Variants in CSMD3 observed in about 807,000 individuals in gnomAD.
CSMD3 encodes CUB and sushi domain-containing protein 3.
A neutral mutation model predicts 435.2 loss-of-function variants in CSMD3; 177 were observed. That is an observed-to-expected ratio of 0.41 (90% CI 0.36 to 0.46). The LOEUF is 0.46. Ranked by LOEUF, CSMD3 falls within the 20% of genes least tolerant of loss-of-function variation. The pLI, the probability that CSMD3 is intolerant of heterozygous loss-of-function variation, is 0.34. For synonymous variants in CSMD3, 1,656 were observed against 1,520.5 expected (o/e 1.09, Z -2.07); for missense variants, 4,265 against 4,504.6 (o/e 0.95, Z 1.52).
chr8:112,796,920 G>A (rs2132315277), intron 13 of CSMD3, among the ~76,000 whole-genome samples: 1 of 151,916 alleles, frequency 6.6e-6, no homozygotes, highest in African/African-American at 2.4e-5. Context: ...TTTATGCTAT[G>A]GTATACAGTA....
At chr8:113,207,095 T>A (rs1287475742) in intron 3 of CSMD3, among the ~76,000 whole-genome samples, 1 of 152,168 alleles carries the variant, frequency 6.6e-6, no homozygotes, top group Non-Finnish European at 1.5e-5. Flanking sequence ...GTAAGTTCCC[T>A]ATGTGATGAT....
intron 30 of CSMD3, among the ~76,000 whole-genome samples, chr8:112,497,369 G>A (rs761891949): frequency 4.0e-5 from 6 of 151,540 alleles, no homozygotes; most frequent in Non-Finnish European, 5.9e-5. Flanking sequence ...TAATTGGAAT[G>A]TTTGTAACAT....
intron 17 of CSMD3, among the ~76,000 whole-genome samples, chr8:112,657,061 C>CTTT (rs11387284): frequency 2.3e-5 from 3 of 131,610 alleles, no homozygotes; most frequent in Non-Finnish European, 4.9e-5. Flanking sequence ...TTTCTTTTTA[C>CTTT]TTTTTTTTTT....
chr8:112,410,640 A>ATATATATGTG (rs1563913212), intron 32 of CSMD3, among the ~76,000 whole-genome samples: 2 of 57,526 alleles, frequency 3.5e-5, no homozygotes, highest in East Asian at 4.6e-4. Context: ...ATATATATGT[A>ATATATATGTG]TATATATATG....
intron 10 of CSMD3, among the ~76,000 whole-genome samples, chr8:112,914,720 T>C (rs1230753473): frequency 7.0e-6 from 1 of 141,862 alleles, no homozygotes; most frequent in Admixed American, 6.9e-5. Context: ...GGTTTCATCA[T>C]TTTTCCCTTT....
chr8:113,406,341 T>C (rs1350300621), intron 1 of CSMD3, among the ~76,000 whole-genome samples: 1 of 151,912 alleles, frequency 6.6e-6, no homozygotes, highest in Non-Finnish European at 1.5e-5. Flanking sequence ...TAATTTTATC[T>C]AGAAAAGTGA....
intron 1 of CSMD3, among the ~76,000 whole-genome samples, chr8:113,383,860 T>A (rs1052627536): frequency 2.6e-5 from 4 of 152,156 alleles, no homozygotes; most frequent in Non-Finnish European, 4.4e-5. Flanking sequence ...AAATGCTGCT[T>A]GTCTCCACCA....
intron 32 of CSMD3, among the ~76,000 whole-genome samples, chr8:112,455,455 G>T (rs554652994): frequency 1.3e-5 from 2 of 152,024 alleles, no homozygotes; most frequent in African/African-American, 4.8e-5. Context: ...CTACCTATTG[G>T]GTATTATGTT....
chr8:113,111,679 G>GTATT (rs907537972), intron 4 of CSMD3, among the ~76,000 whole-genome samples: 5 of 152,000 alleles, frequency 3.3e-5, no homozygotes, highest in Non-Finnish European at 7.4e-5. Flanking sequence ...TTTTATTTAT[G>GTATT]TATTTATTTA....
At chr8:113,305,434 C>T (rs1056557921) in intron 2 of CSMD3, among the ~76,000 whole-genome samples, 30 of 152,082 alleles carry the variant, frequency 2.0e-4, no homozygotes, top group Non-Finnish European at 1.5e-5. Flanking sequence ...GATATCAGTG[C>T]TGTTTTACCG....
chr8:112,272,488 A>G (rs1189942335), intron 59 of CSMD3, among the ~76,000 whole-genome samples: 1 of 152,186 alleles, frequency 6.6e-6, no homozygotes, highest in Non-Finnish European at 1.5e-5. Context: ...TATTAAAAAC[A>G]TATTTACACT....
At chr8:112,398,106 A>G (rs535285283) in intron 35 of CSMD3, among the ~76,000 whole-genome samples, 3 of 152,308 alleles carry the variant, frequency 2.0e-5, no homozygotes, top group Admixed American at 6.5e-5. Context: ...AAAACAGGGC[A>G]GAAGAAAGGG....
chr8:112,895,701 G>A (rs1328634287), intron 10 of CSMD3, among the ~76,000 whole-genome samples: 1 of 151,252 alleles, frequency 6.6e-6, no homozygotes, highest in African/African-American at 2.4e-5. Flanking sequence ...CAACTTTGAG[G>A]AAAAATAAAG....
intron 20 of CSMD3, chr8:112,643,641 T>G (rs1275884164): frequency 6.2e-6 from 1 of 161,480 alleles, no homozygotes; most frequent in Admixed American, 6.6e-5. Flanking sequence ...TAAACTCTAT[T>G]AATCTATTGC....
chr8:112,378,195 T>C (rs1829131032), intron 38 of CSMD3, among the ~76,000 whole-genome samples: 1 of 151,984 alleles, frequency 6.6e-6, no homozygotes, highest in African/African-American at 2.4e-5. Context: ...AAGGGAACTC[T>C]TATACGTTGT....
At chr8:112,391,691 C>CA (rs34187208) in intron 35 of CSMD3, among the ~76,000 whole-genome samples, 58,173 of 141,338 alleles carry the variant, frequency 0.41, 13,325 homozygotes, top group Middle Eastern at 0.6. Context: ...GACTCCATCT[C>CA]AAAAAAAAAA....
At chr8:113,077,959 A>G (rs1475878369) in intron 5 of CSMD3, among the ~76,000 whole-genome samples, 1 of 152,210 alleles carries the variant, frequency 6.6e-6, no homozygotes, top group East Asian at 1.9e-4. Context: ...AATTTTAGAA[A>G]TTAAATGTAA....
At chr8:113,087,276 T>C (rs569251098) in intron 5 of CSMD3, among the ~76,000 whole-genome samples, 2 of 152,096 alleles carry the variant, frequency 1.3e-5, no homozygotes, top group African/African-American at 2.4e-5. Context: ...AAAATGGCCA[T>C]ATTGCCCAAG....
chr8:113,178,689 T>C (rs2092382136), intron 3 of CSMD3, among the ~76,000 whole-genome samples: 1 of 151,924 alleles, frequency 6.6e-6, no homozygotes, highest in Non-Finnish European at 1.5e-5. Flanking sequence ...TTTTTGTTTG[T>C]TTGTTTCCAA....
Sources: gnomAD v4.1 joint callset for allele counts (sites outside exome capture counted in the v4.1 genomes callset) on GRCh38, gnomAD v4.1.1 for gene constraint, MANE v1.5 for transcripts, NCBI Gene and HGNC (gene_info 2026-07-23, HGNC 2026-07-21) for gene names.